Variants in STK32A observed in about 807,000 individuals in gnomAD.
The protein encoded by STK32A is serine/threonine-protein kinase 32A.
A neutral mutation model predicts 53.2 loss-of-function variants in STK32A; 41 were observed. The observed-to-expected ratio is 0.77, with a 90% CI of 0.60 to 1.00. The LOEUF (loss-of-function observed/expected upper bound fraction) is 1.00. Among genes scored for constraint, STK32A ranks in the 50% least tolerant of loss-of-function variants. The probability of loss-of-function intolerance (pLI) is 0.00; values close to 1 mark genes in which losing one functional copy is unlikely to be tolerated. For missense variants in STK32A, 458 were observed against 485.8 expected (o/e 0.94, Z 0.54); for synonymous variants, 166 against 162.8 (o/e 1.02, Z -0.15).
At chr5:147,248,825 T>A (rs1282364367) in intron 2 of STK32A, among the ~76,000 whole-genome samples, 1 of 152,218 alleles carries the variant, frequency 6.6e-6, no homozygotes, top group Non-Finnish European at 1.5e-5. Flanking sequence ...TGGAGACTAC[T>A]TCCCTGGAGA....
chr5:147,312,327 C>T (rs933688569), intron 4 of STK32A, among the ~76,000 whole-genome samples: 2 of 152,150 alleles, frequency 1.3e-5, no homozygotes, highest in Admixed American at 6.5e-5. Flanking sequence ...TTGTCTCAAA[C>T]TCCTGATCTC....
At chr5:147,358,999 A>G (rs1756379246) in intron 7 of STK32A, among the ~76,000 whole-genome samples, 1 of 152,218 alleles carries the variant, frequency 6.6e-6, no homozygotes, top group Admixed American at 6.5e-5. Context: ...GACCTGTATC[A>G]TGTTTATGTG....
intron 5 of STK32A, chr5:147,342,368 G>A (rs1755467191): frequency 6.6e-6 from 1 of 152,558 alleles, no homozygotes; most frequent in Admixed American, 6.5e-5. Flanking sequence ...GGGATTAGGG[G>A]GGATTTGACC....
At chr5:147,293,800 T>C (rs1356377002) in intron 4 of STK32A, among the ~76,000 whole-genome samples, 1 of 151,724 alleles carries the variant, frequency 6.6e-6, no homozygotes, top group Non-Finnish European at 1.5e-5. Context: ...TTTGAGAGGT[T>C]ACCTTTTTTT....
chr5:147,323,378 G>A (rs151269894), intron 4 of STK32A, among the ~76,000 whole-genome samples: 19 of 152,256 alleles, frequency 1.2e-4, no homozygotes, highest in Non-Finnish European at 2.2e-4. Context: ...TGTACTGTGT[G>A]CTTAGTTCTT....
At chr5:147,251,181 C>T (rs1285288198) in intron 2 of STK32A, among the ~76,000 whole-genome samples, 2 of 152,110 alleles carry the variant, frequency 1.3e-5, no homozygotes, top group African/African-American at 2.4e-5. Flanking sequence ...CGCACAGGGC[C>T]TTATATCCAG....
chr5:147,260,229 T>C (rs1340022116), intron 2 of STK32A, among the ~76,000 whole-genome samples: 87 of 101,752 alleles, frequency 8.6e-4, no homozygotes, highest in African/African-American at 3.1e-3. Flanking sequence ...CTCTCTCTCC[T>C]CTCTGTCTCT....
intron 8 of STK32A, among the ~76,000 whole-genome samples, chr5:147,367,491 G>A (rs535825388): frequency 6.6e-6 from 1 of 152,260 alleles, no homozygotes; most frequent in South Asian, 2.1e-4. Context: ...GGTGGGCTGA[G>A]TCCGAAAAGA....
At chr5:147,260,455 C>A (rs1754507170) in intron 2 of STK32A, among the ~76,000 whole-genome samples, 2 of 151,914 alleles carry the variant, frequency 1.3e-5, no homozygotes, top group Non-Finnish European at 2.9e-5. Flanking sequence ...ACTCTTTCTT[C>A]CCCCAAGAAG....
intron 11 of STK32A, among the ~76,000 whole-genome samples, chr5:147,381,357 T>C (rs1003109057): frequency 3.9e-5 from 6 of 152,152 alleles, no homozygotes; most frequent in African/African-American, 1.4e-4. Context: ...AGTTTGCTTA[T>C]ATTGGCTGGA....
Position 147,329,713 on chromosome 5 carries a change from C to T in STK32A, c.434+5642C>T, listed in dbSNP as rs1158861759. 2.0e-5 allele frequency among the ~76,000 whole-genome samples: 3 copies of T among 152,280 alleles called. No individual in the cohort carries two copies. The East Asian group carries it at 5.8e-4, about 30-fold the overall frequency. On this transcript the variant is annotated intron_variant, in intron 5 of 12. Coordinates refer to ENST00000397936, the MANE Select transcript of STK32A (RefSeq NM_001112724.2). ...CTCATGGTTATACCTCTAATTGTAG[C>T]CTCTGGACCATGATATTCTATATAA...
the STK32A span, chr5:147,395,703 C>T: frequency 1.9e-5 from 31 of 1,613,816 alleles, no homozygotes; most frequent in East Asian, 8.9e-5. Flanking sequence ...CCCCTTGGGA[C>T]GGCATGCAGG....
At position 147,362,449 on chromosome 5, in the gene STK32A, G is replaced by A. The variant is rs576472442; in HGVS notation, c.660+835G>A. Among the ~76,000 whole-genome samples the A allele has an allele frequency of 3.3e-5, 5 of 152,200 alleles. No homozygotes were observed. In the East Asian group the frequency reaches 7.7e-4, roughly 24 times the overall value. ...CTTATAAGTCTACTAATCCCATCAC[G>A]AGGGACCTACCCCCATAAACTAACC... On this transcript the variant is annotated intron_variant, in intron 8 of 12. Transcript: ENST00000397936.
At chr5:147,269,793 C>A (rs147211438) in intron 2 of STK32A, among the ~76,000 whole-genome samples, 228 of 152,162 alleles carry the variant, frequency 1.5e-3, no homozygotes, top group Middle Eastern at 6.8e-3. Flanking sequence ...ACCAAATAAC[C>A]ACATAACCAA....
intron 2 of STK32A, among the ~76,000 whole-genome samples, chr5:147,266,320 A>C (rs552165137): frequency 6.6e-6 from 1 of 152,196 alleles, no homozygotes; most frequent in Non-Finnish European, 1.5e-5. Context: ...TGTAAATCCA[A>C]TATCTGCAGA....
chr5:147,244,946 T>C (rs1460439033), intron 2 of STK32A, among the ~76,000 whole-genome samples: 1 of 152,200 alleles, frequency 6.6e-6, no homozygotes, highest in East Asian at 1.9e-4. Context: ...TTGAAGTACT[T>C]TAAGTTCTGA....
In STK32A at chr5:147,324,126, A is replaced by G. The variant is rs1754458450; in HGVS notation, c.434+55A>G. On this transcript the variant is annotated intron_variant, in intron 5 of 12. Transcript: ENST00000397936. ...ACGTAACGCAAGGAGAGAATCCACA[A>G]CTGGCTACCTTCAATAAATTCTTAT... 2.0e-6 allele frequency: 3 copies of G among 1,465,670 alleles called. No individual in the cohort carries two copies. The South Asian group carries it at 3.9e-5, about 19-fold the overall frequency. 90.8% of individuals were successfully genotyped at this position (1,465,670 alleles called of 1,614,324 possible). A position where few individuals can be genotyped will look rare whatever the true frequency, so the allele number is the denominator to read the frequency against.
chr5:147,249,942 T>C lies in STK32A; in HGVS notation c.52+10256T>C, dbSNP rs558476999. On this transcript the variant is annotated intron_variant, in intron 2 of 12. Transcript: ENST00000397936. ...AAAAAAAAAAAAAAAAGTGGCCTCATCTTCATTTCAGTGAAAGATGATAGT... is the reference window on the plus strand; with the variant it reads ...AAAAAAAAAAAAAAAAGTGGCCTCACCTTCATTTCAGTGAAAGATGATAGT... Among the ~76,000 whole-genome samples, 5 of 140,142 alleles carry C rather than the reference T, an allele frequency of 3.6e-5. No individual in the cohort carries two copies. In the East Asian group the frequency reaches 8.6e-4, roughly 24 times the overall value. 91.9% of individuals were successfully genotyped at this position (140,142 alleles called of 152,430 possible).
chr5:147,389,206 C>T (rs1021248314), downstream of STK32A, among the ~76,000 whole-genome samples: 3 of 152,178 alleles, frequency 2.0e-5, no homozygotes, highest in Admixed American at 6.5e-5. Context: ...TATCCCATCT[C>T]CTCCCCACCC....
Sources: gnomAD v4.1 joint callset for allele counts (sites outside exome capture counted in the v4.1 genomes callset) on GRCh38, gnomAD v4.1.1 for gene constraint, MANE v1.5 for transcripts, NCBI Gene and HGNC (gene_info 2026-07-23, HGNC 2026-07-21) for gene names.